Variants in ADGRB3 observed in about 807,000 individuals in gnomAD.
ADGRB3 encodes the protein adhesion G protein-coupled receptor B3.
ADGRB3 carries 37 observed loss-of-function variants against 193.4 expected under a neutral mutation model. That is an observed-to-expected ratio of 0.19 (90% confidence interval 0.15 to 0.25). The LOEUF (loss-of-function observed/expected upper bound fraction) is 0.25. ADGRB3 is among the 10% of genes least tolerant of loss of function. ADGRB3 has a pLI of 1.00. For synonymous variants in ADGRB3, 690 were observed against 644.2 expected (o/e 1.07, Z -1.08); for missense variants, 1,637 against 1,852.9 (o/e 0.88, Z 2.14).
chr6:68,673,053 T>C (rs1769005726), intron 3 of ADGRB3, among the ~76,000 whole-genome samples: 1 of 152,058 alleles, frequency 6.6e-6, no homozygotes, highest in African/African-American at 2.4e-5. Flanking sequence ...TCAGTAGGTG[T>C]GTGTGTATAC....
chr6:68,921,008 A>T lies in ADGRB3; in HGVS notation c.758-9551A>T, dbSNP rs187962957. On this transcript the variant is annotated intron_variant, in intron 3 of 31. Coordinates refer to ENST00000370598, the MANE Select transcript of ADGRB3 (RefSeq NM_001704.3). Reference sequence around the variant, plus strand: ...TTATGTATATGTAAAAAATTAGGGTATAACACTTTTAAATAATTAAATTAG... The same window carrying T: ...TTATGTATATGTAAAAAATTAGGGTTTAACACTTTTAAATAATTAAATTAG... 4.3e-4 allele frequency among the ~76,000 whole-genome samples: 65 copies of T among 152,274 alleles called. 1 individual carries two copies. The highest frequency in any genetic ancestry group is 1.5e-3 in the African/African-American group (61 of 41,580).
At chr6:68,930,125 CA>C (rs1767298293) in intron 3 of ADGRB3, among the ~76,000 whole-genome samples, 1 of 149,940 alleles carries the variant, frequency 6.7e-6, no homozygotes, top group Non-Finnish European at 1.5e-5. Context: ...ATATAAGTTA[CA>C]GGACTGAGTA....
At chr6:68,638,322 T>C (rs907773373) in intron 2 of ADGRB3, among the ~76,000 whole-genome samples, 6 of 152,230 alleles carry the variant, frequency 3.9e-5, no homozygotes, top group African/African-American at 1.4e-4. Flanking sequence ...ATTATGACGT[T>C]TTAAAACTCC....
intron 3 of ADGRB3, among the ~76,000 whole-genome samples, chr6:68,880,130 G>A (rs1043292703): frequency 2.6e-5 from 4 of 152,190 alleles, no homozygotes; most frequent in Non-Finnish European, 4.4e-5. Context: ...AGACAATCCT[G>A]ACTTCTGACT....
intron 3 of ADGRB3, among the ~76,000 whole-genome samples, chr6:68,786,899 T>G (rs928622512): frequency 6.6e-6 from 1 of 152,110 alleles, no homozygotes; most frequent in African/African-American, 2.4e-5. Context: ...CCTAGGTATT[T>G]TATTCTCTTT....
At chr6:69,357,938 C>T (rs1161332613) in intron 28 of ADGRB3, among the ~76,000 whole-genome samples, 4 of 151,958 alleles carry the variant, frequency 2.6e-5, no homozygotes, top group African/African-American at 9.7e-5. Flanking sequence ...TCAAAAATCA[C>T]TAGCCATGGT....
chr6:69,223,966 TGAA>T (rs1158253466), intron 17 of ADGRB3, among the ~76,000 whole-genome samples: 1 of 151,958 alleles, frequency 6.6e-6, no homozygotes, highest in Non-Finnish European at 1.5e-5. Context: ...CTTTTTCTTT[TGAA>T]TCTCAAAAGA....
At chr6:69,146,536 C>G (rs1349382374) in intron 17 of ADGRB3, among the ~76,000 whole-genome samples, 1 of 152,360 alleles carries the variant, frequency 6.6e-6, no homozygotes, top group East Asian at 1.9e-4. Flanking sequence ...GCAGCTGCAG[C>G]TGGGTGGCCA....
chr6:69,316,631 A>G (rs1427090843), intron 20 of ADGRB3, among the ~76,000 whole-genome samples: 4 of 151,508 alleles, frequency 2.6e-5, no homozygotes, highest in African/African-American at 9.7e-5. Flanking sequence ...TTGAGGTCCA[A>G]AGTTTTTGTG....
chr6:69,049,156 G>C (rs528341921), intron 14 of ADGRB3, 115 bp from the exon 15 acceptor site: 2 of 718,544 alleles, frequency 2.8e-6, no homozygotes, highest in Non-Finnish European at 4.5e-6. Context: ...TTTTTACCAG[G>C]CTTTATCTTT....
intron 17 of ADGRB3, among the ~76,000 whole-genome samples, chr6:69,210,383 T>C (rs975952915): frequency 6.6e-6 from 1 of 151,742 alleles, no homozygotes; most frequent in Non-Finnish European, 1.5e-5. Context: ...CTTCATATTC[T>C]AGCTGTCATG....
intron 6 of ADGRB3, among the ~76,000 whole-genome samples, chr6:68,945,396 A>C (rs1279608989): frequency 6.6e-6 from 1 of 152,134 alleles, no homozygotes; most frequent in African/African-American, 2.4e-5. Flanking sequence ...TTATGAGATC[A>C]GTAACATTCT....
rs540519092 is a variant in ADGRB3 at position 68,853,585 on chromosome 6, A to G, written c.758-76974A>G. ...TTCTGTCCATATTTTGATTAAGAAT[A>G]TAACTGTATAGGATATATTATACAT... On this transcript the variant is annotated intron_variant, in intron 3 of 31. Transcript: ENST00000370598. Among the ~76,000 whole-genome samples the G allele has an allele frequency of 4.6e-5, 7 of 152,242 alleles. No individual in the cohort carries two copies. The South Asian group carries it at 1.4e-3, about 32-fold the overall frequency.
At chr6:69,323,234 A>T (rs997197350) in intron 20 of ADGRB3, among the ~76,000 whole-genome samples, 1 of 152,012 alleles carries the variant, frequency 6.6e-6, no homozygotes, top group Non-Finnish European at 1.5e-5. Context: ...TTTAGTTGAA[A>T]CAAACGTGGA....
At position 68,993,973 on chromosome 6, in the gene ADGRB3, C is replaced by A; in HGVS notation, c.1929+11C>A. The A allele has an allele frequency of 6.2e-7, 1 of 1,609,802 alleles. No individual in the cohort carries two copies. The highest frequency in any genetic ancestry group is 8.5e-7 in the Non-Finnish European group (1 of 1,177,010). ...TCTGATGGTGTCCAGGTAAGGGAGACAAGTTCGTGAAGGAAAGGGCTAGTG... is the reference window on the plus strand; with the variant it reads ...TCTGATGGTGTCCAGGTAAGGGAGAAAAGTTCGTGAAGGAAAGGGCTAGTG... On this transcript the variant is annotated intron_variant, in intron 11 of 31. Coordinates refer to ENST00000370598, the MANE Select transcript of ADGRB3 (RefSeq NM_001704.3).
intron 20 of ADGRB3, among the ~76,000 whole-genome samples, chr6:69,314,275 T>C (rs1475837116): frequency 6.6e-6 from 1 of 151,702 alleles, no homozygotes; most frequent in African/African-American, 2.4e-5. Flanking sequence ...TATCTAACAC[T>C]TTCTTTCTTT....
chr6:68,934,524 A>G (rs1420007873), intron 4 of ADGRB3, among the ~76,000 whole-genome samples: 1 of 152,212 alleles, frequency 6.6e-6, no homozygotes, highest in Non-Finnish European at 1.5e-5. Flanking sequence ...AATTTTATTC[A>G]TAACCTTTAT....
chr6:68,824,437 AATAC>A (rs1767805028), intron 3 of ADGRB3, among the ~76,000 whole-genome samples: 1 of 149,548 alleles, frequency 6.7e-6, no homozygotes, highest in South Asian at 2.1e-4. Context: ...TTTACATATA[AATAC>A]ATACATATTT....
chr6:69,111,269 G>A (rs1473015833), intron 17 of ADGRB3, among the ~76,000 whole-genome samples: 2 of 152,076 alleles, frequency 1.3e-5, no homozygotes, highest in African/African-American at 4.8e-5. Flanking sequence ...GTTTTGTGTG[G>A]GTATGACTTC....
Sources: gnomAD v4.1 joint callset for allele counts (sites outside exome capture counted in the v4.1 genomes callset) on GRCh38, gnomAD v4.1.1 for gene constraint, MANE v1.5 for transcripts, NCBI Gene and HGNC (gene_info 2026-07-23, HGNC 2026-07-21) for gene names.